The following GNB1L variants were observed in gnomAD, a reference collection of about 807,000 sequenced individuals.
GNB1L encodes the protein guanine nucleotide-binding protein subunit beta-like protein 1.
In GNB1L, 20 loss-of-function variants were observed where a neutral mutation model predicts 29.1. The ratio of observed to expected loss-of-function variants is 0.69; its 90% CI spans 0.48 to 1.00. GNB1L has a LOEUF of 1.00. GNB1L is among the 50% of genes least tolerant of loss of function. The pLI, the probability that GNB1L is intolerant of heterozygous loss-of-function variation, is 0.00. For missense variants in GNB1L, 421 were observed against 464.9 expected (o/e 0.91, Z 0.87); for synonymous variants, 193 against 206.5 (o/e 0.93, Z 0.56).
At chr22:19,791,319 A>G (rs1277747695) in intron 7 of GNB1L, among the ~76,000 whole-genome samples, 2 of 152,254 alleles carry the variant, frequency 1.3e-5, no homozygotes, top group Admixed American at 6.5e-5. Context: ...GAAAGTGTCT[A>G]TAATTGAGAA....
intron 2 of GNB1L, among the ~76,000 whole-genome samples, chr22:19,843,983 G>A (rs1473823246): frequency 2.0e-5 from 3 of 152,170 alleles, no homozygotes; most frequent in Non-Finnish European, 2.9e-5. Context: ...GCCAGGGGCC[G>A]GCACTGACCT....
At chr22:19,834,318 G>A (rs1937728558) in intron 2 of GNB1L, among the ~76,000 whole-genome samples, 1 of 152,194 alleles carries the variant, frequency 6.6e-6, no homozygotes, top group Non-Finnish European at 1.5e-5. Flanking sequence ...CTTTGGGGAT[G>A]AAGGCAAAAT....
chr22:19,840,151 C>T (rs1333472951), intron 2 of GNB1L, among the ~76,000 whole-genome samples: 2 of 152,020 alleles, frequency 1.3e-5, no homozygotes. Flanking sequence ...CACCTATTTT[C>T]AGACTGCAAT....
At chr22:19,846,152 C>T (rs1486564598) in intron 2 of GNB1L, 1 of 152,564 alleles carries the variant, frequency 6.6e-6, no homozygotes, top group Non-Finnish European at 1.5e-5. Context: ...TGGCTTCGCA[C>T]ATCAAAAATT....
rs1396236440 is a variant in GNB1L, at chr22:19,784,399, AG to A, written c.*4309del. On this transcript the variant is annotated 3_prime_UTR_variant, in exon 8 of 8. Coordinates refer to ENST00000329517, the MANE Select transcript of GNB1L (RefSeq NM_053004.3). Reference sequence around the variant, plus strand: ...CTGACCCCTCGGTGTCTACGTGCCAAGCCCAATCTGCCTGCAGGGACACCCA... The same window carrying A: ...CTGACCCCTCGGTGTCTACGTGCCAACCCAATCTGCCTGCAGGGACACCCA... 6.6e-6 allele frequency: 1 copy of A among 152,230 alleles called. No homozygotes were observed. The highest frequency in any genetic ancestry group is 1.9e-4 in the East Asian group (1 of 5,178). The allele number at this position is 152,230 out of a possible 1,614,324, so 9.4% of individuals were successfully genotyped here. A position where few individuals can be genotyped will look rare whatever the true frequency, so the allele number is the denominator to read the frequency against.
chr22:19,851,200 G>A (rs938676888), intron 2 of GNB1L: 45 of 1,592,024 alleles, frequency 2.8e-5, no homozygotes, highest in Non-Finnish European at 3.8e-5. Flanking sequence ...GCTCTCCTGG[G>A]GTCTCCGGGG....
At chr22:19,835,677 A>G (rs889856994) in intron 2 of GNB1L, among the ~76,000 whole-genome samples, 2 of 147,714 alleles carry the variant, frequency 1.4e-5, no homozygotes, top group Admixed American at 1.3e-4. Context: ...CTGTCTCGAT[A>G]AAAAAAAAAA....
At chr22:19,840,864 C>T (rs1601349391) in intron 2 of GNB1L, among the ~76,000 whole-genome samples, 1 of 151,994 alleles carries the variant, frequency 6.6e-6, no homozygotes, top group Admixed American at 6.6e-5. Flanking sequence ...TGGCATTCAA[C>T]CTTTGTGCTT....
chr22:19,847,979 T>C (rs1316490637), intron 2 of GNB1L: 8 of 985,088 alleles, frequency 8.1e-6, no homozygotes, highest in South Asian at 9.4e-5. Flanking sequence ...TACTCGTTAA[T>C]TGGAAACACC....
chr22:19,850,878 G>A (rs1938078213), intron 2 of GNB1L: 8 of 1,326,710 alleles, frequency 6.0e-6, no homozygotes, highest in Middle Eastern at 2.8e-4. Context: ...TCTACAAAAC[G>A]ACCCCCTCGT....
intron 7 of GNB1L, among the ~76,000 whole-genome samples, chr22:19,794,775 G>T (rs1024329033): frequency 1.3e-5 from 2 of 152,168 alleles, no homozygotes; most frequent in African/African-American, 4.8e-5. Context: ...GAGGTCAAGA[G>T]ATCGAGACCA....
chr22:19,792,751 A>C, intron 7 of GNB1L: 3 of 1,503,344 alleles, frequency 2.0e-6, no homozygotes, highest in East Asian at 2.3e-5. Flanking sequence ...AAGAAAGCTC[A>C]GCTGGTGGTG....
chr22:19,817,906 C>T (rs1937544348), intron 4 of GNB1L, among the ~76,000 whole-genome samples: 2 of 152,242 alleles, frequency 1.3e-5, no homozygotes, highest in African/African-American at 4.8e-5. Context: ...AAAAAACACC[C>T]TGCCGAGGTG....
rs1465531643 is a variant in GNB1L at position 19,816,989 on chromosome 22, C to G, written c.254+3609G>C. On this transcript the variant is annotated intron_variant, in intron 4 of 7. Transcript: ENST00000329517. The surrounding 1 kb of genome is among the most constrained non-coding windows in gnomAD (Gnocchi z 4.4). ...GACCGCTGGGTACCCACATGGAAAC[C>G]CAGGGCCTTCACTGCACACCGTAGT... Among the ~76,000 whole-genome samples, 1 of 152,198 alleles carries G rather than the reference C, an allele frequency of 6.6e-6. No homozygotes were observed. The highest frequency in any genetic ancestry group is 2.4e-5 in the African/African-American group (1 of 41,438).
intron 7 of GNB1L, among the ~76,000 whole-genome samples, chr22:19,791,542 G>A (rs1163712379): frequency 6.6e-6 from 1 of 152,214 alleles, no homozygotes; most frequent in East Asian, 1.9e-4. Context: ...AGGAGGCAGA[G>A]ATCATAATCT....
intron 7 of GNB1L, chr22:19,792,515 G>A (rs1042905704): frequency 1.9e-6 from 3 of 1,547,160 alleles, no homozygotes; most frequent in African/African-American, 2.7e-5. Flanking sequence ...ATAAGCGGCT[G>A]AAAGTGCCTC....
At chr22:19,838,366 C>T (rs1342877309) in intron 2 of GNB1L, among the ~76,000 whole-genome samples, 1 of 152,214 alleles carries the variant, frequency 6.6e-6, no homozygotes, top group East Asian at 1.9e-4. Flanking sequence ...AAACCAAGTG[C>T]TGGCAATACT....
At chr22:19,822,448 G>A (rs527361946) in intron 2 of GNB1L, among the ~76,000 whole-genome samples, 5 of 152,354 alleles carry the variant, frequency 3.3e-5, no homozygotes, top group Admixed American at 2.6e-4. Context: ...CTCCACCTCA[G>A]CCCCACAGCT....
chr22:19,837,274 G>C (rs941001683), intron 2 of GNB1L, among the ~76,000 whole-genome samples: 9 of 152,256 alleles, frequency 5.9e-5, no homozygotes, highest in African/African-American at 2.2e-4. Context: ...CCTGAAAAGA[G>C]ATTATTAAGA....
Sources: gnomAD v4.1 joint callset for allele counts (sites outside exome capture counted in the v4.1 genomes callset) on GRCh38, gnomAD v4.1.1 for gene constraint, Gnocchi (gnomAD v3.1) non-coding constraint, MANE v1.5 for transcripts, NCBI Gene and HGNC (gene_info 2026-07-23, HGNC 2026-07-21) for gene names.